The following MAML2 variants were observed in gnomAD, a reference collection of about 807,000 sequenced individuals.
The protein encoded by MAML2 is mastermind-like protein 2.
A neutral mutation model predicts 96.1 loss-of-function variants in MAML2; 22 were observed. That is an observed-to-expected ratio of 0.23 (90% confidence interval 0.16 to 0.33). The LOEUF (loss-of-function observed/expected upper bound fraction) is 0.33, where lower values mean the gene tolerates loss of function less well. Among genes scored for constraint, MAML2 ranks in the 10% least tolerant of loss-of-function variants. The probability of loss-of-function intolerance (pLI) is 1.00; values close to 1 mark genes in which losing one functional copy is unlikely to be tolerated. For synonymous variants in MAML2, 561 were observed against 521.3 expected, an observed-to-expected ratio of 1.08 and a Z score of -1.04; for missense variants, 1,367 against 1,392.4, an observed-to-expected ratio of 0.98 and a Z score of 0.29.
chr11:96,051,518 C>T (rs955407693), intron 2 of MAML2, among the ~76,000 whole-genome samples: 22 of 152,158 alleles, frequency 1.4e-4, no homozygotes, highest in Non-Finnish European at 2.8e-4. Flanking sequence ...GAAGCTGCCT[C>T]AAGGTCACAC....
At chr11:96,045,296 T>C (rs866808431) in intron 2 of MAML2, among the ~76,000 whole-genome samples, 1 of 152,188 alleles carries the variant, frequency 6.6e-6, no homozygotes, top group South Asian at 2.1e-4. Flanking sequence ...TGAGAGAGTA[T>C]GGTGCCTGCA....
intron 1 of MAML2, among the ~76,000 whole-genome samples, chr11:96,331,174 C>T (rs1150311): frequency 1.2e-4 from 18 of 151,894 alleles, no homozygotes; most frequent in South Asian, 2.1e-4. Flanking sequence ...AGAAGGCTGG[C>T]GGGGAGGATC....
chr11:96,181,927 T>C (rs1178510775), intron 1 of MAML2, among the ~76,000 whole-genome samples: 1 of 152,244 alleles, frequency 6.6e-6, no homozygotes, highest in Non-Finnish European at 1.5e-5. Context: ...ATCTTCCCTT[T>C]TATTGTAAAT....
In MAML2 at chr11:95,985,593, G is replaced by A; in HGVS notation, c.2393C>T (p.Pro798Leu). 1.2e-6 allele frequency: 2 copies of A among 1,612,844 alleles called. No homozygotes were observed. The highest frequency in any genetic ancestry group is 1.7e-6 in the Non-Finnish European group (2 of 1,179,298). The part of the protein sequence containing the change: ...DQINRHLSRP[P>L]PDYKDQRRNV... ...TCTTCTTTGGTCTTTATAATCTGGA[G>A]GTGGCCTTGACAAATGTCGGTTTAT... Residue 798 changes from proline (P) to leucine (L), a missense_variant, in exon 4 of 5, where the codon CCT becomes CTT. Physicochemically the swap from Pro to Leu is moderately conservative, Grantham distance 98. Transcript: ENST00000524717.
At chr11:96,162,650 T>G (rs3016191) in intron 1 of MAML2, among the ~76,000 whole-genome samples, 150,409 of 150,410 alleles carry the variant, frequency 1, 75,204 homozygotes, top group Middle Eastern at 1. Context: ...GGTGGAGGTT[T>G]CGGTGAGCCG....
At position 96,006,911 on chromosome 11, in the gene MAML2, ACACACG is replaced by A. The variant is rs1219138869; in HGVS notation, c.2140-15194_2140-15189del. Among the ~76,000 whole-genome samples the A allele has an allele frequency of 2.1e-5, 3 of 139,770 alleles. No homozygotes were observed. The East Asian group carries it at 6.6e-4, about 31-fold the overall frequency. 91.7% of individuals were successfully genotyped at this position (139,770 alleles called of 152,430 possible). A position where few individuals can be genotyped will look rare whatever the true frequency, so the allele number is the denominator to read the frequency against. ...CACACACACACACACACACACACACACACACGAGTATTTTAATGTTTTGTTTCTTTT... is the reference window on the plus strand; with the variant it reads ...CACACACACACACACACACACACACAAGTATTTTAATGTTTTGTTTCTTTT... On this transcript the variant is annotated intron_variant, in intron 2 of 4. Transcript: ENST00000524717.
intron 2 of MAML2, among the ~76,000 whole-genome samples, chr11:96,026,887 A>C (rs1399283411): frequency 6.6e-6 from 1 of 152,024 alleles, no homozygotes; most frequent in Non-Finnish European, 1.5e-5. Context: ...TAAATAAATA[A>C]ATAAATAAAT....
intron 1 of MAML2, among the ~76,000 whole-genome samples, chr11:96,114,760 C>T (rs552239477): frequency 6.6e-6 from 1 of 152,332 alleles, no homozygotes; most frequent in Admixed American, 6.5e-5. Context: ...ACATAGGTGT[C>T]TTTGTCAGTA....
At chr11:96,040,969 G>A (rs967861280) in intron 2 of MAML2, among the ~76,000 whole-genome samples, 1 of 152,126 alleles carries the variant, frequency 6.6e-6, no homozygotes, top group Non-Finnish European at 1.5e-5. Flanking sequence ...ATTCATCCAC[G>A]TTGTTGCATG....
At chr11:96,072,383 A>T (rs935354164) in intron 2 of MAML2, among the ~76,000 whole-genome samples, 3 of 152,236 alleles carry the variant, frequency 2.0e-5, no homozygotes, top group Non-Finnish European at 2.9e-5. Flanking sequence ...TCCAGCATTG[A>T]TCTTGAAATC....
chr11:96,092,955 A>G lies in MAML2; in HGVS notation c.1076T>C (p.Met359Thr), dbSNP rs1371504089. The change falls in exon 2 of 5, where the codon ATG becomes ACG. Residue 359 changes from methionine to threonine, a missense_variant. Physicochemically the swap from Met to Thr is moderately conservative, Grantham distance 81 (BLOSUM62 -1). Transcript: ENST00000524717. This position sits in a 1 kb window ranked among gnomAD's most constrained non-coding sequence, Gnocchi z 4.1. ...TTCACTTTTGATCACTATTTTCTCC[A>G]TGGGTAAGGAGGGCCTAGGTGTGCT... is the stretch of plus-strand genomic sequence containing the variant. ...QRSTPRPSLP[M>T]EKIVIKSEYS... 2 of 1,612,948 alleles carry G rather than the reference A, an allele frequency of 1.2e-6. No individual in the cohort carries two copies. Among genetic ancestry groups the G allele is most frequent in the Non-Finnish European group, 1.7e-6 (2 of 1,179,424 alleles).
chr11:96,111,111 C>A (rs150068513), intron 1 of MAML2, among the ~76,000 whole-genome samples: 3 of 152,294 alleles, frequency 2.0e-5, no homozygotes, highest in African/African-American at 7.2e-5. Flanking sequence ...AACCCTTGAT[C>A]CATCTCTGCA....
intron 1 of MAML2, among the ~76,000 whole-genome samples, chr11:96,242,450 G>A (rs182720520): frequency 7.0e-4 from 106 of 152,264 alleles, no homozygotes; most frequent in Non-Finnish European, 1.4e-3. Flanking sequence ...ATTTCCTTAA[G>A]GCTGTAAATA....
chr11:96,008,133 T>C (rs1241948087), intron 2 of MAML2, among the ~76,000 whole-genome samples: 1 of 152,196 alleles, frequency 6.6e-6, no homozygotes, highest in Non-Finnish European at 1.5e-5. Context: ...ATATAATATA[T>C]AAACCTTTTC....
chr11:96,274,856 C>A (rs1862965271), intron 1 of MAML2, among the ~76,000 whole-genome samples: 1 of 151,890 alleles, frequency 6.6e-6, no homozygotes, highest in African/African-American at 2.4e-5. Context: ...AATCTAATAC[C>A]CTAGAGATCA....
intron 1 of MAML2, among the ~76,000 whole-genome samples, chr11:96,273,623 T>C (rs998026394): frequency 2.0e-5 from 3 of 152,208 alleles, no homozygotes; most frequent in Non-Finnish European, 4.4e-5. Flanking sequence ...ATAAGGGACC[T>C]AAGTTAGAGT....
chr11:96,178,020 C>T (rs1246549407), intron 1 of MAML2, among the ~76,000 whole-genome samples: 1 of 140,958 alleles, frequency 7.1e-6, no homozygotes, highest in African/African-American at 2.6e-5. Flanking sequence ...ATTTTGTACT[C>T]TTTAACTTAA....
intron 2 of MAML2, among the ~76,000 whole-genome samples, chr11:96,056,735 T>C (rs1448934492): frequency 6.6e-6 from 1 of 152,360 alleles, no homozygotes; most frequent in Admixed American, 6.5e-5. Context: ...CATTCACAAG[T>C]CTACTCTATT....
At chr11:96,318,451 A>G (rs1016252541) in intron 1 of MAML2, among the ~76,000 whole-genome samples, 2 of 152,254 alleles carry the variant, frequency 1.3e-5, no homozygotes, top group African/African-American at 4.8e-5. Flanking sequence ...GTTAACTAAT[A>G]GAAGAATGCA....
Sources: gnomAD v4.1 joint callset for allele counts (sites outside exome capture counted in the v4.1 genomes callset) on GRCh38, gnomAD v4.1.1 for gene constraint, Gnocchi (gnomAD v3.1) non-coding constraint, MANE v1.5 for transcripts, NCBI Gene and HGNC (gene_info 2026-07-23, HGNC 2026-07-21) for gene names.